The following SLC7A8 variants were observed in gnomAD, a reference collection of about 807,000 sequenced individuals.
The protein encoded by SLC7A8 is solute carrier family 7 member 8, also known as large neutral amino acids transporter small subunit 2.
SLC7A8 carries 30 observed loss-of-function variants against 51.2 expected under a neutral mutation model. That is an observed-to-expected ratio of 0.59 (90% CI 0.44 to 0.80). The LOEUF is 0.80. Ranked by LOEUF, SLC7A8 falls within the 30% of genes least tolerant of loss-of-function variation. The probability of loss-of-function intolerance (pLI) is 0.00; values close to 1 mark genes in which losing one functional copy is unlikely to be tolerated. For missense variants in SLC7A8, 612 were observed against 674.4 expected (o/e 0.91, Z 1.03); for synonymous variants, 257 against 275.8 (o/e 0.93, Z 0.67).
chr14:23,176,921 G>A (rs770980751), intron 1 of SLC7A8, among the ~76,000 whole-genome samples: 1 of 128,434 alleles, frequency 7.8e-6, no homozygotes. Context: ...CAGCCTGGGC[G>A]ACAGAGCAAG....
intron 7 of SLC7A8, among the ~76,000 whole-genome samples, chr14:23,135,035 G>A (rs1280094609): frequency 4.6e-5 from 7 of 151,998 alleles, no homozygotes; most frequent in Non-Finnish European, 1.0e-4. Context: ...CCAAAGCACC[G>A]GGATTACAGG....
intron 3 of SLC7A8, among the ~76,000 whole-genome samples, chr14:23,160,827 G>T (rs1262030466): frequency 1.3e-5 from 2 of 152,032 alleles, no homozygotes; most frequent in Middle Eastern, 3.2e-3. Flanking sequence ...ATCACAAAAG[G>T]TATCAAAACC....
At chr14:23,162,632 G>A (rs1271285247) in intron 3 of SLC7A8, among the ~76,000 whole-genome samples, 1 of 152,158 alleles carries the variant, frequency 6.6e-6, no homozygotes, top group Non-Finnish European at 1.5e-5. Flanking sequence ...GCTGTGGAGA[G>A]GACTGTGCAA....
chr14:23,133,067 C>T (rs933919243), intron 7 of SLC7A8, among the ~76,000 whole-genome samples: 5 of 152,158 alleles, frequency 3.3e-5, no homozygotes, highest in Non-Finnish European at 7.3e-5. Flanking sequence ...TGAGCCACCA[C>T]GCCCAGCCTG....
intron 7 of SLC7A8, among the ~76,000 whole-genome samples, chr14:23,136,345 C>T (rs1412022997): frequency 1.3e-5 from 2 of 152,216 alleles, no homozygotes; most frequent in African/African-American, 2.4e-5. Flanking sequence ...AGCCAGGGTC[C>T]TGCACTCACG....
chr14:23,144,471 ATCT>A (rs1314806615), intron 3 of SLC7A8, among the ~76,000 whole-genome samples: 1 of 151,872 alleles, frequency 6.6e-6, no homozygotes, highest in Non-Finnish European at 1.5e-5. Context: ...CCATTTACAA[ATCT>A]TCTTTGGTGG....
intron 7 of SLC7A8, among the ~76,000 whole-genome samples, chr14:23,133,558 G>A (rs1214015253): frequency 6.6e-6 from 1 of 152,188 alleles, no homozygotes; most frequent in Non-Finnish European, 1.5e-5. Context: ...TAGGCACAGT[G>A]GCTCATGCCT....
At chr14:23,132,972 T>C (rs1335479911) in intron 7 of SLC7A8, among the ~76,000 whole-genome samples, 1 of 151,540 alleles carries the variant, frequency 6.6e-6, no homozygotes, top group Admixed American at 6.6e-5. Context: ...TGAGGCAGGG[T>C]CTTGCCATGT....
chr14:23,162,876 C>A (rs1334471434), intron 3 of SLC7A8, among the ~76,000 whole-genome samples: 1 of 152,056 alleles, frequency 6.6e-6, no homozygotes, highest in Non-Finnish European at 1.5e-5. Context: ...AACTGAACAG[C>A]CTCGGGGGTT....
At chr14:23,166,006 G>A (rs758508207) in intron 2 of SLC7A8, among the ~76,000 whole-genome samples, 13 of 151,818 alleles carry the variant, frequency 8.6e-5, no homozygotes, top group Admixed American at 5.2e-4. Context: ...ATAGAAGGGC[G>A]TTGTTTTTGT....
At chr14:23,133,031 C>T (rs1412617147) in intron 7 of SLC7A8, among the ~76,000 whole-genome samples, 1 of 152,206 alleles carries the variant, frequency 6.6e-6, no homozygotes, top group African/African-American at 2.4e-5. Flanking sequence ...CCACCTCGGG[C>T]TCCCAAAGCG....
At chr14:23,166,213 C>A in intron 2 of SLC7A8, 123 bp downstream of exon 2, 3 of 996,326 alleles carry the variant, frequency 3.0e-6, no homozygotes, top group Non-Finnish European at 4.6e-6. Context: ...ATTCCATTCA[C>A]TAGCACCCCG....
rs925715941 is a variant in SLC7A8 at position 23,171,376 on chromosome 14, C to T, written c.152-4836G>A. On this transcript the variant is annotated intron_variant, in intron 1 of 10. Transcript: ENST00000316902. ...GGCAAGTCTTCACTAGAAAAATTGC[C>T]GGAATTGAGAAAACCCACATTTGCC... Among the ~76,000 whole-genome samples the T allele has an allele frequency of 1.4e-4, 21 of 152,126 alleles. 1 individual carries two copies. Among genetic ancestry groups the T allele is most frequent in the East Asian group, 7.7e-4 (4 of 5,192 alleles).
chr14:23,173,853 C>T (rs1031717182), intron 1 of SLC7A8, among the ~76,000 whole-genome samples: 6 of 151,676 alleles, frequency 4.0e-5, no homozygotes, highest in African/African-American at 1.5e-4. Flanking sequence ...GTTGCCCAGG[C>T]TGGTCTTGAA....
rs547174536 is a variant in SLC7A8, at chr14:23,147,230, CATCT to C, written c.509-4030_509-4027del. ...ACCATCCATCATCTATCCATCCATC[CATCT>C]GTCTATCCATCCACCCATCTACTCA... On this transcript the variant is annotated intron_variant, in intron 3 of 10. Transcript: ENST00000316902. Among the ~76,000 whole-genome samples the C allele has an allele frequency of 4.4e-3, 672 of 152,288 alleles. 4 individuals carry two copies. Among genetic ancestry groups the C allele is most frequent in the Non-Finnish European group, 7.7e-3 (521 of 68,014 alleles).
At position 23,183,072 on chromosome 14, in the gene SLC7A8, A is replaced by G; in HGVS notation, c.-158T>C. 1.4e-6 allele frequency: 1 copy of G among 723,844 alleles called. No homozygotes were observed. 44.8% of individuals were successfully genotyped at this position (723,844 alleles called of 1,614,324 possible). A position where few individuals can be genotyped will look rare whatever the true frequency, so the allele number is the denominator to read the frequency against. ...GGCAAGCAGATAAAAGAGAACACGAAAAATATTCCTACTCCGCATTCACAC... is the reference window on the plus strand; with the variant it reads ...GGCAAGCAGATAAAAGAGAACACGAGAAATATTCCTACTCCGCATTCACAC... On this transcript the variant is annotated 5_prime_UTR_variant, in exon 1 of 11. Transcript: ENST00000316902.
At chr14:23,129,916 C>T (rs111467229) in intron 8 of SLC7A8, 117 bp from the exon 9 acceptor site, 49 of 1,147,480 alleles carry the variant, frequency 4.3e-5, no homozygotes, top group East Asian at 2.2e-4. Context: ...ATGGATGTCT[C>T]GAAATGGAGA....
chr14:23,173,932 C>G (rs2048987401), intron 1 of SLC7A8, among the ~76,000 whole-genome samples: 1 of 152,232 alleles, frequency 6.6e-6, no homozygotes, highest in African/African-American at 2.4e-5. Context: ...TGTGCCACCC[C>G]ACCTGGCCAG....
At chr14:23,164,078 C>T (rs1277220741) in intron 3 of SLC7A8, among the ~76,000 whole-genome samples, 3 of 152,006 alleles carry the variant, frequency 2.0e-5, no homozygotes, top group Non-Finnish European at 4.4e-5. Context: ...GGTCAATCGA[C>T]CCTCCTACCT....
Sources: gnomAD v4.1 joint callset for allele counts (sites outside exome capture counted in the v4.1 genomes callset) on GRCh38, gnomAD v4.1.1 for gene constraint, MANE v1.5 for transcripts, NCBI Gene and HGNC (gene_info 2026-07-23, HGNC 2026-07-21) for gene names.